ERBB4: variants seen among roughly 807,000 people sequenced by gnomAD.
ERBB4 encodes receptor tyrosine-protein kinase erbB-4.
Under a neutral mutation model 158.0 loss-of-function variants are expected in ERBB4, and 42 were observed. The ratio of observed to expected loss-of-function variants is 0.27; its 90% CI spans 0.21 to 0.34. ERBB4 has a LOEUF of 0.34. Ranked by LOEUF, ERBB4 falls within the 10% of genes least tolerant of loss-of-function variation. The pLI is 1.00. For synonymous variants in ERBB4, 583 were observed against 558.7 expected (o/e 1.04, Z -0.61); for missense variants, 1,333 against 1,624.1 (o/e 0.82, Z 3.08).
At chr2:211,395,478 G>C (rs2062892926) in intron 25 of ERBB4, among the ~76,000 whole-genome samples, 1 of 151,982 alleles carries the variant, frequency 6.6e-6, no homozygotes, top group Admixed American at 6.6e-5. Flanking sequence ...TTTAGAGGTT[G>C]CATTTTTTAT....
chr2:211,461,564 T>C (rs892683353), intron 20 of ERBB4, among the ~76,000 whole-genome samples: 2 of 152,094 alleles, frequency 1.3e-5, no homozygotes, highest in Non-Finnish European at 2.9e-5. Context: ...AAATATTTTT[T>C]CTAACTACTG....
chr2:212,081,722 G>A (rs1337200517), intron 2 of ERBB4, among the ~76,000 whole-genome samples: 4 of 152,136 alleles, frequency 2.6e-5, no homozygotes, highest in African/African-American at 9.7e-5. Flanking sequence ...GGCACCGACT[G>A]TAGCTGATTC....
chr2:212,447,817 G>A (rs181007400), intron 1 of ERBB4, among the ~76,000 whole-genome samples: 2 of 137,614 alleles, frequency 1.5e-5, no homozygotes, highest in Admixed American at 1.4e-4. Flanking sequence ...TATTCAACAT[G>A]GGCAACTAAC....
chr2:212,339,674 T>C (rs1254260237), intron 1 of ERBB4, among the ~76,000 whole-genome samples: 1 of 151,714 alleles, frequency 6.6e-6, no homozygotes, highest in African/African-American at 2.4e-5. Flanking sequence ...GTGAGAAAGA[T>C]TAATTTTTTT....
intron 5 of ERBB4, among the ~76,000 whole-genome samples, chr2:211,735,990 CAAAAAGA>C (rs1333447322): frequency 6.6e-6 from 1 of 151,236 alleles, no homozygotes; most frequent in Non-Finnish European, 1.5e-5. Flanking sequence ...TTGTCTCTAC[CAAAAAGA>C]AAAAAGGAAA....
At chr2:212,266,832 T>TA (rs1288797064) in intron 1 of ERBB4, among the ~76,000 whole-genome samples, 2 of 151,924 alleles carry the variant, frequency 1.3e-5, no homozygotes, top group Admixed American at 6.6e-5. Context: ...ATAAAAAGGT[T>TA]AAAAAAACAC....
Position 211,673,407 on chromosome 2 carries a change from A to G in ERBB4, c.1623-150T>C. On this transcript the variant is annotated intron_variant, in intron 13 of 27. Transcript: ENST00000342788. ...GAGCATCAGAAACATTAAGTTTTCC[A>G]TTAGGAGAAAAGATAAACTGCAGCC... 2 of 686,586 alleles carry G rather than the reference A, an allele frequency of 2.9e-6. 1 individual carries two copies. Among genetic ancestry groups the G allele is most frequent in the Non-Finnish European group, 5.3e-6 (2 of 376,688 alleles). 42.5% of individuals were successfully genotyped at this position (686,586 alleles called of 1,614,324 possible).
chr2:211,489,702 A>G (rs1248112620), intron 20 of ERBB4, among the ~76,000 whole-genome samples: 1 of 152,022 alleles, frequency 6.6e-6, no homozygotes, highest in Non-Finnish European at 1.5e-5. Flanking sequence ...TAATATTTCA[A>G]CTGCATTCAT....
chr2:211,939,919 C>A (rs2080439907), intron 3 of ERBB4, among the ~76,000 whole-genome samples: 1 of 148,644 alleles, frequency 6.7e-6, no homozygotes, highest in African/African-American at 2.5e-5. Flanking sequence ...TACACTCCAG[C>A]CTGGGCCACA....
rs1176367181 is a variant in ERBB4 at position 211,387,080 on chromosome 2, G to T, written c.3254C>A (p.Thr1085Asn). 1 of 1,613,960 alleles carries T rather than the reference G, an allele frequency of 6.2e-7. No homozygotes were observed. Among genetic ancestry groups the T allele is most frequent in the African/African-American group, 1.3e-5 (1 of 75,020 alleles). Residue 1085 changes from threonine (T) to asparagine (N), a missense_variant, in exon 27 of 28, where the codon ACT (threonine) becomes AAT (asparagine). Thr to Asn is a moderately conservative substitution (Grantham distance 65). This residue lies in a region of ERBB4 where 252 missense variants were observed against 241.3 expected (regional missense o/e 1.04). Coordinates refer to ENST00000342788, the MANE Select transcript of ERBB4 (RefSeq NM_005235.3). ...QGVSVPYRAPTSTIPEAPVAQ... is the reference protein window; with the variant it reads ...QGVSVPYRAPNSTIPEAPVAQ... ...CACAGGAGCTTCTGGAATTGTGCTA[G>T]TTGGGGCTCTGTAGGGCACAGACAC...
At chr2:211,665,663 C>G (rs1380305251) in intron 14 of ERBB4, among the ~76,000 whole-genome samples, 186 bp from the exon 15 acceptor site, 1 of 152,126 alleles carries the variant, frequency 6.6e-6, no homozygotes, top group Non-Finnish European at 1.5e-5. Flanking sequence ...CAAAGAAGAT[C>G]CATCAAGTTC....
intron 3 of ERBB4, among the ~76,000 whole-genome samples, chr2:211,788,399 C>A (rs1279217894): frequency 6.6e-6 from 1 of 152,030 alleles, no homozygotes; most frequent in Non-Finnish European, 1.5e-5. Context: ...CTGAGAGTAA[C>A]ACTCCTAACA....
At chr2:212,493,620 A>G (rs1690403506) in intron 1 of ERBB4, among the ~76,000 whole-genome samples, 1 of 151,682 alleles carries the variant, frequency 6.6e-6, no homozygotes, top group African/African-American at 2.4e-5. Flanking sequence ...TTTTTAATTT[A>G]TGTTCTTTGA....
intron 3 of ERBB4, among the ~76,000 whole-genome samples, chr2:211,867,675 G>T (rs1230744184): frequency 6.6e-6 from 1 of 152,084 alleles, no homozygotes; most frequent in Non-Finnish European, 1.5e-5. Context: ...TGATCATCCT[G>T]CCTCAACCTC....
chr2:211,731,205 A>C (rs1019499190), intron 5 of ERBB4, among the ~76,000 whole-genome samples: 1 of 152,140 alleles, frequency 6.6e-6, no homozygotes, highest in Non-Finnish European at 1.5e-5. Context: ...TCTTGGGGCA[A>C]TCCCCAATTG....
intron 3 of ERBB4, among the ~76,000 whole-genome samples, chr2:211,911,019 C>T (rs562284842): frequency 1.3e-5 from 2 of 152,256 alleles, no homozygotes; most frequent in Admixed American, 1.3e-4. Context: ...CCTGCAGCAT[C>T]AATGTTTATG....
chr2:211,446,714 G>A (rs911734297), intron 20 of ERBB4, among the ~76,000 whole-genome samples: 4 of 151,956 alleles, frequency 2.6e-5, no homozygotes, highest in Admixed American at 1.3e-4. Flanking sequence ...AAAAGTATCA[G>A]ATAACTTTAT....
chr2:212,288,596 A>G (rs1319932114), intron 1 of ERBB4, among the ~76,000 whole-genome samples: 1 of 152,124 alleles, frequency 6.6e-6, no homozygotes, highest in East Asian at 1.9e-4. Flanking sequence ...AAAACTGGCT[A>G]GCCGGCTTCT....
intron 12 of ERBB4, among the ~76,000 whole-genome samples, chr2:211,680,564 G>A (rs1418968680): frequency 1.3e-5 from 2 of 152,164 alleles, no homozygotes; most frequent in African/African-American, 2.4e-5. Context: ...AATATAAGCA[G>A]GGAAGTCTAT....
Sources: allele counts gnomAD v4.1 joint callset (sites outside exome capture counted in the v4.1 genomes callset), GRCh38; gene constraint gnomAD v4.1.1; regional missense constraint gnomAD v4.1.1; transcripts MANE v1.5; gene names NCBI Gene and HGNC (gene_info 2026-07-23, HGNC 2026-07-21).